DNAH3: variants seen among roughly 807,000 people sequenced by gnomAD.
DNAH3 encodes the protein dynein axonemal heavy chain 3, also known as axonemal beta dynein heavy chain 3.
Under a neutral mutation model 432.5 loss-of-function variants are expected in DNAH3, and 332 were observed. The ratio of observed to expected loss-of-function variants is 0.77; its 90% CI spans 0.70 to 0.84. The LOEUF is 0.84. Among genes scored for constraint, DNAH3 ranks in the 40% least tolerant of loss-of-function variants. The pLI, the probability that DNAH3 is intolerant of heterozygous loss-of-function variation, is 0.00. For missense variants in DNAH3, 4,861 were observed against 5,114.0 expected (o/e 0.95, Z 1.51); for synonymous variants, 1,956 against 1,900.2 (o/e 1.03, Z -0.76).
chr16:20,950,010 T>C (rs1352034531), intron 56 of DNAH3, among the ~76,000 whole-genome samples: 1 of 152,152 alleles, frequency 6.6e-6, no homozygotes, highest in Non-Finnish European at 1.5e-5. Flanking sequence ...TTCACTTCTA[T>C]TTATTATTAT....
At chr16:21,087,443 G>A (rs1341665101) in intron 18 of DNAH3, among the ~76,000 whole-genome samples, 1 of 152,086 alleles carries the variant, frequency 6.6e-6, no homozygotes, top group Non-Finnish European at 1.5e-5. Flanking sequence ...CAGCATTTGG[G>A]GAGGCCAAGG....
chr16:20,969,714 T>G, intron 52 of DNAH3, 78 bp downstream of exon 52: 1 of 1,505,092 alleles, frequency 6.6e-7, no homozygotes, highest in Non-Finnish European at 9.2e-7. Flanking sequence ...GCAGTCGACT[T>G]GGGGATGCAG....
chr16:20,975,156 T>C (rs1597018709), intron 51 of DNAH3, 77 bp downstream of exon 51: 2 of 1,537,496 alleles, frequency 1.3e-6, no homozygotes, highest in East Asian at 4.5e-5. Context: ...GAGCCTCACT[T>C]TTCTCATCCG....
In DNAH3 at chr16:20,984,230, T is replaced by C. The variant is rs141339034; in HGVS notation, c.7665+847A>G. Reference sequence around the variant, plus strand: ...GTGCGTGTGTGTGTGTGTGTATGCATGCATGAACACAATGATAATATTTGC... The same window carrying C: ...GTGCGTGTGTGTGTGTGTGTATGCACGCATGAACACAATGATAATATTTGC... On this transcript the variant is annotated intron_variant, in intron 48 of 61. Transcript: ENST00000261383. Among the ~76,000 whole-genome samples the C allele has an allele frequency of 7.8e-3, 1,184 of 151,910 alleles. 10 individuals carry two copies. The highest frequency in any genetic ancestry group is 0.011 in the Admixed American group (166 of 15,212).
chr16:21,017,443 T>A (rs1163771468), intron 41 of DNAH3, among the ~76,000 whole-genome samples: 7 of 152,190 alleles, frequency 4.6e-5, no homozygotes, highest in Non-Finnish European at 8.8e-5. Flanking sequence ...GAGAGGCTAA[T>A]CAGAAAACTC....
chr16:20,976,034 C>G (rs1345572427), intron 50 of DNAH3, among the ~76,000 whole-genome samples: 2 of 150,726 alleles, frequency 1.3e-5, no homozygotes, highest in Non-Finnish European at 3.0e-5. Flanking sequence ...CATGAGCCAC[C>G]ACGCCCGGCC....
rs1483337208 is a variant in DNAH3 at position 21,088,448 on chromosome 16, G to A, written c.2666-1388C>T. On this transcript the variant is annotated intron_variant, in intron 18 of 61. Transcript: ENST00000261383. ...TATTTGCAATCACTCAGGCAAAGAG[G>A]AGTAGTAGTAGCATTTCTATTAGAA... Among the ~76,000 whole-genome samples, 24 of 152,172 alleles carry A rather than the reference G, an allele frequency of 1.6e-4. 1 individual carries two copies. The highest frequency in any genetic ancestry group is 1.3e-3 in the Admixed American group (20 of 15,268).
chr16:21,110,042 G>T (rs1208973565), intron 14 of DNAH3, among the ~76,000 whole-genome samples: 1 of 152,142 alleles, frequency 6.6e-6, no homozygotes, highest in Non-Finnish European at 1.5e-5. Context: ...ATAGACGTCA[G>T]CCATGGCACC....
At chr16:20,938,256 G>C (rs541907286) in intron 59 of DNAH3, among the ~76,000 whole-genome samples, 2 of 151,986 alleles carry the variant, frequency 1.3e-5, no homozygotes, top group Admixed American at 6.6e-5. Context: ...CTGAGCATGC[G>C]CGCCTGTAAT....
intron 51 of DNAH3, among the ~76,000 whole-genome samples, chr16:20,973,536 A>T (rs1020848310): frequency 6.6e-6 from 1 of 152,216 alleles, no homozygotes; most frequent in Admixed American, 6.5e-5. Flanking sequence ...TACAGGCATG[A>T]GCCACCTTTC....
intron 41 of DNAH3, among the ~76,000 whole-genome samples, chr16:21,010,873 G>A (rs929660770): frequency 6.7e-6 from 1 of 150,260 alleles, no homozygotes; most frequent in South Asian, 2.1e-4. Context: ...GAACCACCAC[G>A]CCCGGCCAAA....
intron 25 of DNAH3, among the ~76,000 whole-genome samples, 158 bp from the exon 26 acceptor site, chr16:21,060,514 CTTTTTTTTTTTCTTTTTT>C (rs1194777871): frequency 7.9e-6 from 1 of 127,280 alleles, no homozygotes; most frequent in African/African-American, 2.9e-5. Context: ...TTCTTTTTTT[CTTTTTTTTTTTCTTTTTT>C]TTTTTTTTTT....
intron 42 of DNAH3, among the ~76,000 whole-genome samples, chr16:21,002,212 A>AT (rs1177738623): frequency 1.3e-5 from 2 of 152,298 alleles, no homozygotes; most frequent in East Asian, 1.9e-4. Context: ...CTTCAGAAAG[A>AT]TAAACTATGC....
At position 21,062,273 on chromosome 16, in the gene DNAH3, T is replaced by C. The variant is rs552854057; in HGVS notation, c.3720+209A>G. ...AAATCCACAAATTTAATATGTCATG[T>C]GGATTGCAGTGGAATCCCCATCTTA... On this transcript the variant is annotated intron_variant, in intron 25 of 61. Transcript: ENST00000261383. Among the ~76,000 whole-genome samples, 16 of 152,278 alleles carry C rather than the reference T, an allele frequency of 1.1e-4. No individual in the cohort carries two copies. In the South Asian group the frequency reaches 2.7e-3, roughly 26 times the overall value.
intron 48 of DNAH3, among the ~76,000 whole-genome samples, chr16:20,984,177 G>GTGTGTA (rs2086067212): frequency 6.6e-6 from 1 of 151,660 alleles, no homozygotes; most frequent in Admixed American, 6.6e-5. Context: ...GTGTGTGTGT[G>GTGTGTA]TGTATATGTG....
intron 56 of DNAH3, among the ~76,000 whole-genome samples, chr16:20,949,034 G>A (rs113893989): frequency 2.6e-5 from 4 of 151,948 alleles, no homozygotes; most frequent in Non-Finnish European, 4.4e-5. Flanking sequence ...TCCCTTTCCC[G>A]CTGAGAGCCA....
chr16:21,103,353 GT>G (rs1161754250), intron 16 of DNAH3, among the ~76,000 whole-genome samples: 2 of 144,478 alleles, frequency 1.4e-5, no homozygotes, highest in Middle Eastern at 3.5e-3. Flanking sequence ...GGGTGTGTGT[GT>G]GGGGGGGGGC....
chr16:21,125,099 C>A, intron 9 of DNAH3, 76 bp downstream of exon 10: 1 of 1,265,464 alleles, frequency 7.9e-7, no homozygotes, highest in African/African-American at 1.5e-5. Context: ...TGAGGACGTA[C>A]ATGACAGAGT....
intron 51 of DNAH3, among the ~76,000 whole-genome samples, chr16:20,972,739 A>ATTTTTT (rs34245316): frequency 9.4e-5 from 9 of 95,972 alleles, no homozygotes; most frequent in African/African-American, 2.8e-4. Flanking sequence ...ATGCCCCGTG[A>ATTTTTT]TTTTTTTTTT....
Sources: allele counts gnomAD v4.1 joint callset (sites outside exome capture counted in the v4.1 genomes callset), GRCh38; gene constraint gnomAD v4.1.1; transcripts MANE v1.5; gene names NCBI Gene and HGNC (gene_info 2026-07-23, HGNC 2026-07-21).